C8orf34: variants seen among roughly 807,000 people sequenced by gnomAD.
C8orf34 encodes chromosome 8 open reading frame 34.
Under a neutral mutation model 68.3 loss-of-function variants are expected in C8orf34, and 65 were observed. The observed-to-expected ratio is 0.95, with a 90% CI of 0.78 to 1.17. The LOEUF is 1.17. Ranked by LOEUF, C8orf34 falls within the 50% of genes most tolerant of loss-of-function variation. The pLI is 0.00. For missense variants in C8orf34, 664 were observed against 655.4 expected, an observed-to-expected ratio of 1.01 and a Z score of -0.14; for synonymous variants, 244 against 241.2, an observed-to-expected ratio of 1.01 and a Z score of -0.11.
intron 9 of C8orf34, among the ~76,000 whole-genome samples, chr8:68,712,187 C>A (rs576090745): frequency 6.6e-6 from 1 of 152,116 alleles, no homozygotes; most frequent in Non-Finnish European, 1.5e-5. Context: ...CTAAAAGGAA[C>A]TCTAAGTCCT....
chr8:68,489,423 GT>G (rs930720558), intron 5 of C8orf34, among the ~76,000 whole-genome samples: 3 of 152,104 alleles, frequency 2.0e-5, no homozygotes, highest in Admixed American at 6.6e-5. Context: ...AATTTCAGGT[GT>G]TTTTTTGGAT....
At chr8:68,427,195 C>G (rs1810264544) in intron 1 of C8orf34, among the ~76,000 whole-genome samples, 2 of 151,968 alleles carry the variant, frequency 1.3e-5, no homozygotes, top group Admixed American at 1.3e-4. Context: ...GGTACTTATC[C>G]TAAAGAAATG....
At chr8:68,672,106 C>T (rs967681938) in intron 8 of C8orf34, among the ~76,000 whole-genome samples, 4 of 150,102 alleles carry the variant, frequency 2.7e-5, no homozygotes, top group Non-Finnish European at 6.0e-5. Context: ...ACTTTGAATT[C>T]CACCTTAAAT....
At chr8:68,395,361 TCACA>T (rs61037782) in intron 1 of C8orf34, among the ~76,000 whole-genome samples, 8,034 of 77,552 alleles carry the variant, frequency 0.1, 244 homozygotes, top group Middle Eastern at 0.21. Flanking sequence ...TGTGTGTCTC[TCACA>T]CACACACACA....
chr8:68,343,177 G>C (rs921673934), intron 1 of C8orf34, among the ~76,000 whole-genome samples: 1 of 151,906 alleles, frequency 6.6e-6, no homozygotes, highest in African/African-American at 2.4e-5. Context: ...TTCACATAAG[G>C]GTCTATACTG....
At chr8:68,462,649 A>G (rs925131340) in intron 3 of C8orf34, among the ~76,000 whole-genome samples, 88 of 151,966 alleles carry the variant, frequency 5.8e-4, no homozygotes, top group Admixed American at 4.1e-3. Flanking sequence ...ACTCAAAACC[A>G]CTCAACTACA....
intron 1 of C8orf34, among the ~76,000 whole-genome samples, chr8:68,364,994 G>T (rs1228790068): frequency 6.6e-6 from 1 of 151,210 alleles, no homozygotes; most frequent in Non-Finnish European, 1.5e-5. Flanking sequence ...TTGATAGACC[G>T]CTAGCAAGAT....
chr8:68,457,614 A>G (rs973148775), intron 3 of C8orf34, among the ~76,000 whole-genome samples: 1 of 152,212 alleles, frequency 6.6e-6, no homozygotes, highest in Non-Finnish European at 1.5e-5. Flanking sequence ...TTTGATGACT[A>G]TAATAAAGAA....
At chr8:68,789,082 C>T (rs902520834) in intron 12 of C8orf34, among the ~76,000 whole-genome samples, 3 of 152,156 alleles carry the variant, frequency 2.0e-5, no homozygotes, top group Admixed American at 1.3e-4. Context: ...CCACATCCCC[C>T]CATCTTCCCA....
At chr8:68,590,384 C>T (rs1361409111) in intron 7 of C8orf34, among the ~76,000 whole-genome samples, 1 of 151,982 alleles carries the variant, frequency 6.6e-6, no homozygotes, top group Non-Finnish European at 1.5e-5. Context: ...TTTCATTAAC[C>T]TAACAAATCT....
At chr8:68,616,570 G>A (rs562316744) in intron 7 of C8orf34, among the ~76,000 whole-genome samples, 79 of 152,300 alleles carry the variant, frequency 5.2e-4, no homozygotes, top group African/African-American at 1.8e-3. Flanking sequence ...TCAGGAGCAG[G>A]TTGTTCAGTT....
intron 8 of C8orf34, among the ~76,000 whole-genome samples, chr8:68,690,932 G>C (rs1820668553): frequency 6.6e-6 from 1 of 152,026 alleles, no homozygotes; most frequent in Admixed American, 6.6e-5. Context: ...TCCCAGCCTT[G>C]ATAAGAAGAA....
intron 1 of C8orf34, among the ~76,000 whole-genome samples, chr8:68,355,834 A>C (rs2129618949): frequency 6.6e-6 from 1 of 152,304 alleles, no homozygotes; most frequent in Non-Finnish European, 1.5e-5. Context: ...ATTAGAAAAC[A>C]ATCCAGAATA....
intron 4 of C8orf34, among the ~76,000 whole-genome samples, chr8:68,477,594 T>A (rs1245692594): frequency 6.6e-6 from 1 of 152,196 alleles, no homozygotes; most frequent in Non-Finnish European, 1.5e-5. Context: ...CCACAGACAC[T>A]CAATGCCAGC....
rs140380529 is a variant in C8orf34, at chr8:68,533,665, G to A, written c.1105+516G>A. The A allele has an allele frequency of 3.3e-4, 323 of 974,076 alleles. 4 individuals carry two copies. The East Asian group carries it at 0.026, about 78-fold the overall frequency. The allele number at this position is 974,076 out of a possible 1,614,324, so 60.3% of individuals were successfully genotyped here. ...TTGCAGAGATTTCAAAGTTTCTTCA[G>A]GCCTGTTACTTTCATGAAACCTTAT... On this transcript the variant is annotated intron_variant, in intron 7 of 13. Coordinates refer to ENST00000518698, the MANE Select transcript of C8orf34 (RefSeq NM_052958.4).
chr8:68,741,296 C>A (rs1183913777), intron 10 of C8orf34, among the ~76,000 whole-genome samples: 1 of 151,996 alleles, frequency 6.6e-6, no homozygotes, highest in South Asian at 2.1e-4. Flanking sequence ...TAAAAATAAA[C>A]AATTTTATTT....
At chr8:68,763,035 T>C (rs879445801) in intron 10 of C8orf34, among the ~76,000 whole-genome samples, 1 of 152,178 alleles carries the variant, frequency 6.6e-6, no homozygotes, top group Non-Finnish European at 1.5e-5. Context: ...CCCTAACTGA[T>C]TGGTCTATAA....
chr8:68,732,071 G>A (rs1042591510), intron 10 of C8orf34, among the ~76,000 whole-genome samples: 6 of 152,200 alleles, frequency 3.9e-5, no homozygotes, highest in South Asian at 2.1e-4. Flanking sequence ...TTAAGATTGC[G>A]TCTGAGATTT....
At chr8:68,612,783 T>C (rs893196842) in intron 7 of C8orf34, among the ~76,000 whole-genome samples, 1 of 152,178 alleles carries the variant, frequency 6.6e-6, no homozygotes, top group Admixed American at 6.6e-5. Context: ...TCATTACTTA[T>C]GTATTTTTTC....
Sources: gnomAD v4.1 joint callset for allele counts (sites outside exome capture counted in the v4.1 genomes callset) on GRCh38, gnomAD v4.1.1 for gene constraint, MANE v1.5 for transcripts, NCBI Gene and HGNC (gene_info 2026-07-23, HGNC 2026-07-21) for gene names.